Variants in PHACTR2 observed in about 807,000 individuals in gnomAD.
The protein encoded by PHACTR2 is phosphatase and actin regulator 2.
PHACTR2 carries 30 observed loss-of-function variants against 76.0 expected under a neutral mutation model. That is an observed-to-expected ratio of 0.39 (90% CI 0.30 to 0.54). PHACTR2 has a LOEUF of 0.54. Among genes scored for constraint, PHACTR2 ranks in the 20% least tolerant of loss-of-function variants. The pLI is 0.61. For synonymous variants in PHACTR2, 292 were observed against 292.5 expected, an observed-to-expected ratio of 1.00 and a Z score of 0.02; for missense variants, 696 against 781.1, an observed-to-expected ratio of 0.89 and a Z score of 1.30.
chr6:143,753,698 CT>C lies in PHACTR2; in HGVS notation c.296-54del. On this transcript the variant is annotated intron_variant, in intron 3 of 12. Transcript: ENST00000440869. This position sits in a 1 kb window ranked among gnomAD's most constrained non-coding sequence, Gnocchi z 4.6. Reference sequence around the variant, plus strand: ...TTTTACAATCCTAGTAACTGGAAAACTTGTTTTTAAGAAAGCCAGCAAGTTA... The same window carrying C: ...TTTTACAATCCTAGTAACTGGAAAACTGTTTTTAAGAAAGCCAGCAAGTTA... 7.4e-7 allele frequency: 1 copy of C among 1,344,698 alleles called. No homozygotes were observed. 83.3% of individuals were successfully genotyped at this position (1,344,698 alleles called of 1,614,324 possible). A position where few individuals can be genotyped will look rare whatever the true frequency, so the allele number is the denominator to read the frequency against.
rs1414163349 is a variant in PHACTR2, at chr6:143,589,132, A to T, written c.217+51925A>T. On this transcript the variant is annotated intron_variant, in intron 1 of 11. Coordinates refer to the PHACTR2 transcript ENST00000367584. This position sits in a 1 kb window ranked among gnomAD's most constrained non-coding sequence, Gnocchi z 4.4. Reference sequence around the variant, plus strand: ...GGAAGTCCAAGATCAAGGTGTTAGCAGGTATGGTCTCTTCCTAGGTATCTC... The same window carrying T: ...GGAAGTCCAAGATCAAGGTGTTAGCTGGTATGGTCTCTTCCTAGGTATCTC... 7.2e-5 allele frequency among the ~76,000 whole-genome samples: 11 copies of T among 152,310 alleles called. No homozygotes were observed. The East Asian group carries it at 2.1e-3, about 29-fold the overall frequency.
Position 143,625,463 on chromosome 6 carries a change from A to G in PHACTR2, c.13+17141A>G, listed in dbSNP as rs756357328. Among the ~76,000 whole-genome samples, 1 of 152,218 alleles carries G rather than the reference A, an allele frequency of 6.6e-6. No homozygotes were observed. Among genetic ancestry groups the G allele is most frequent in the Non-Finnish European group, 1.5e-5 (1 of 68,048 alleles). On this transcript the variant is annotated intron_variant, in intron 1 of 11. Coordinates refer to the PHACTR2 transcript ENST00000305766. This position sits in a 1 kb window ranked among gnomAD's most constrained non-coding sequence, Gnocchi z 4.3. ...AACTTAAGCCACATACCGTGAAAAT[A>G]AACTACTCACAACATCAAAAAGGAT...
Position 143,597,361 on chromosome 6 carries a change from A to C in PHACTR2, c.217+60154A>C, listed in dbSNP as rs552044094. The stretch of plus-strand genomic sequence containing the variant: ...ACATAATACTGGCTTCCAGGTGAGT[A>C]GTAAAGACCTCATGCATTTTCATTA... On this transcript the variant is annotated intron_variant, in intron 1 of 11. Coordinates refer to the PHACTR2 transcript ENST00000367584. This position sits in a 1 kb window ranked among gnomAD's most constrained non-coding sequence, Gnocchi z 5.7. Among the ~76,000 whole-genome samples the C allele has an allele frequency of 1.5e-4, 23 of 152,358 alleles. No individual in the cohort carries two copies. The East Asian group carries it at 4.4e-3, about 29-fold the overall frequency.
rs924316168 is a variant in PHACTR2, at chr6:143,722,590, C to T, written c.214+10407C>T. On this transcript the variant is annotated intron_variant, in intron 2 of 12. Coordinates refer to ENST00000440869, the MANE Select transcript of PHACTR2 (RefSeq NM_001100164.2). This position sits in a 1 kb window ranked among gnomAD's most constrained non-coding sequence, Gnocchi z 4.1. ...TCAAGGTAATTGAGATATACATCACCTCAAACATTTATCGTTTCTTTTTGT... is the reference window on the plus strand; with the variant it reads ...TCAAGGTAATTGAGATATACATCACTTCAAACATTTATCGTTTCTTTTTGT... 1.3e-5 allele frequency among the ~76,000 whole-genome samples: 2 copies of T among 152,082 alleles called. No individual in the cohort carries two copies. The highest frequency in any genetic ancestry group is 4.8e-5 in the African/African-American group (2 of 41,402).
chr6:143,631,264 C>A (rs544404172), intron 1 of PHACTR2, among the ~76,000 whole-genome samples: 2 of 152,212 alleles, frequency 1.3e-5, no homozygotes, highest in South Asian at 4.1e-4. Flanking sequence ...AATCATAGCT[C>A]ACTGCAGCCT....
Position 143,608,428 on chromosome 6 carries a change from A to G in PHACTR2, c.13+106A>G, listed in dbSNP as rs971262208. The G allele has an allele frequency of 2.6e-6, 3 of 1,146,094 alleles. No homozygotes were observed. The African/African-American group carries it at 4.6e-5, about 17-fold the overall frequency. The allele number at this position is 1,146,094 out of a possible 1,614,324, so 71.0% of individuals were successfully genotyped here. ...TTTGTTGCTCTCGTTTTGCACTTAA[A>G]TGTTCAAGACTGAGACGCGTGTAAT... On this transcript the variant is annotated intron_variant, in intron 1 of 11. Coordinates refer to the PHACTR2 transcript ENST00000305766. The surrounding 1 kb of genome is among the most constrained non-coding windows in gnomAD (Gnocchi z 4.6).
rs1418982997 is a variant in PHACTR2 at position 143,652,144 on chromosome 6, T to C, written c.13+43822T>C. Among the ~76,000 whole-genome samples, 1 of 151,922 alleles carries C rather than the reference T, an allele frequency of 6.6e-6. No homozygotes were observed. Among genetic ancestry groups the C allele is most frequent in the South Asian group, 2.1e-4 (1 of 4,824 alleles). The stretch of plus-strand genomic sequence containing the variant: ...ATGATGGCGGTGATGGGGGAACCGT[T>C]TACTAGGTACAACCACAAGATATTT... On this transcript the variant is annotated intron_variant, in intron 1 of 11. Transcript: ENST00000305766. This position sits in a 1 kb window ranked among gnomAD's most constrained non-coding sequence, Gnocchi z 4.5.
intron 1 of PHACTR2, among the ~76,000 whole-genome samples, chr6:143,655,907 T>C (rs571570764): frequency 1.9e-4 from 29 of 152,336 alleles, no homozygotes; most frequent in Non-Finnish European, 4.0e-4. Flanking sequence ...CGAATTGCCA[T>C]GTGAGAAAAA....
In PHACTR2 at chr6:143,616,639, C is replaced by A. The variant is rs1441084368; in HGVS notation, c.13+8317C>A. Among the ~76,000 whole-genome samples, 3 of 152,166 alleles carry A rather than the reference C, an allele frequency of 2.0e-5. No individual in the cohort carries two copies. The highest frequency in any genetic ancestry group is 7.2e-5 in the African/African-American group (3 of 41,436). On this transcript the variant is annotated intron_variant, in intron 1 of 11. Coordinates refer to the PHACTR2 transcript ENST00000305766. This position sits in a 1 kb window ranked among gnomAD's most constrained non-coding sequence, Gnocchi z 4.9. The stretch of plus-strand genomic sequence containing the variant: ...TGAGAGAATGAAACGGAGCTTCTGT[C>A]AGCATGCTCCTTCCTTCTAGTAGAG...
In PHACTR2 at chr6:143,830,172, T is replaced by C. The variant is rs1776633898; in HGVS notation, c.*6483T>C. The stretch of plus-strand genomic sequence containing the variant: ...ATAGGGACTAATATTTCTTTTTCTT[T>C]TTTTTAAAAAAAACATTTCTTCTGT... On this transcript the variant is annotated 3_prime_UTR_variant, in exon 13 of 13. Coordinates refer to ENST00000440869, the MANE Select transcript of PHACTR2 (RefSeq NM_001100164.2). 6.6e-6 allele frequency: 1 copy of C among 152,000 alleles called. No homozygotes were observed. Among genetic ancestry groups the C allele is most frequent in the Non-Finnish European group, 1.5e-5 (1 of 68,010 alleles). 9.4% of individuals were successfully genotyped at this position (152,000 alleles called of 1,614,324 possible).
chr6:143,716,452 A>G (rs1487819901), intron 2 of PHACTR2, among the ~76,000 whole-genome samples: 3 of 152,114 alleles, frequency 2.0e-5, no homozygotes, highest in Non-Finnish European at 2.9e-5. Context: ...CAGCCTCCCA[A>G]GCAGCTGGGA....
chr6:143,719,846 A>C (rs1582808455), intron 2 of PHACTR2, among the ~76,000 whole-genome samples: 2 of 104,432 alleles, frequency 1.9e-5, no homozygotes, highest in African/African-American at 4.2e-5. Flanking sequence ...ACAGAGTCTC[A>C]CTCTCGCCCA....
chr6:143,576,296 T>C (rs1315546308), intron 1 of PHACTR2, among the ~76,000 whole-genome samples: 2 of 152,216 alleles, frequency 1.3e-5, no homozygotes, highest in African/African-American at 4.8e-5. Flanking sequence ...TTGGAAGGTC[T>C]CTCTTCTCAC....
In PHACTR2 at chr6:143,557,984, C is replaced by G. The variant is rs1775204288; in HGVS notation, c.217+20777C>G. 6.6e-6 allele frequency: 1 copy of G among 152,072 alleles called. No homozygotes were observed. Among genetic ancestry groups the G allele is most frequent in the South Asian group, 2.1e-4 (1 of 4,824 alleles). 9.4% of individuals were successfully genotyped at this position (152,072 alleles called of 1,614,324 possible). On this transcript the variant is annotated intron_variant, in intron 1 of 11. Transcript: ENST00000367584. The surrounding 1 kb of genome is among the most constrained non-coding windows in gnomAD (Gnocchi z 5.5). ...GAAGGATGGATGGGATCCTTCATGT[C>G]CAGGTGTACCTCACCTGCTTCAGGA...
intron 10 of PHACTR2, 43 bp from the exon 11 acceptor site, chr6:143,788,730 A>C: frequency 6.4e-7 from 1 of 1,565,976 alleles, no homozygotes; most frequent in South Asian, 1.1e-5. Context: ...ATGAGGCTGT[A>C]AGTGGTTTAC....
rs975610042 is a variant in PHACTR2, at chr6:143,783,566, C to A, written c.1707+286C>A. 6.6e-6 allele frequency among the ~76,000 whole-genome samples: 1 copy of A among 152,116 alleles called. No individual in the cohort carries two copies. Among genetic ancestry groups the A allele is most frequent in the African/African-American group, 2.4e-5 (1 of 41,410 alleles). ...CCTGGGAGGCAGAGGTTGCTGTGAC[C>A]TGATATCGTGCCACTGCACTCCAGG... is the stretch of plus-strand genomic sequence containing the variant. On this transcript the variant is annotated intron_variant, in intron 10 of 12. Transcript: ENST00000440869. This position sits in a 1 kb window ranked among gnomAD's most constrained non-coding sequence, Gnocchi z 5.2.
intron 1 of PHACTR2, among the ~76,000 whole-genome samples, chr6:143,692,322 C>T (rs1646603069): frequency 1.3e-5 from 2 of 152,096 alleles, no homozygotes; most frequent in Admixed American, 1.3e-4. Flanking sequence ...GTTGACCTGC[C>T]AACCTGTTTA....
intron 10 of PHACTR2, among the ~76,000 whole-genome samples, chr6:143,788,014 C>T (rs1775593131): frequency 2.0e-5 from 3 of 152,172 alleles, no homozygotes; most frequent in Admixed American, 2.0e-4. Context: ...CTGTCAGAGT[C>T]TTATTCTTCG....
intron 1 of PHACTR2, among the ~76,000 whole-genome samples, chr6:143,665,011 G>C (rs1478150567): frequency 1.3e-5 from 2 of 152,084 alleles, no homozygotes; most frequent in Non-Finnish European, 2.9e-5. Context: ...TGTTGGCCAA[G>C]CTGGTCTGAA....
Sources: gnomAD v4.1 joint callset for allele counts (sites outside exome capture counted in the v4.1 genomes callset) on GRCh38, gnomAD v4.1.1 for gene constraint, Gnocchi (gnomAD v3.1) non-coding constraint, MANE v1.5 for transcripts, NCBI Gene and HGNC (gene_info 2026-07-23, HGNC 2026-07-21) for gene names.